The following MEAK7 variants were observed in gnomAD, a reference collection of about 807,000 sequenced individuals.
The protein encoded by MEAK7 is MTOR associated protein MEAK7, also known as MTOR-associated protein MEAK7.
MEAK7 carries 68 observed loss-of-function variants against 40.5 expected under a neutral mutation model. That is an observed-to-expected ratio of 1.68 (90% CI 1.38 to 2.06). The LOEUF (loss-of-function observed/expected upper bound fraction) is 2.06, where lower values mean the gene tolerates loss of function less well. Among genes scored for constraint, MEAK7 ranks in the 30% most tolerant of loss-of-function variants. MEAK7 has a pLI of 0.00. For missense variants in MEAK7, 918 were observed against 580.5 expected (o/e 1.58, Z -5.98); for synonymous variants, 338 against 231.9 (o/e 1.46, Z -4.16).
intron 7 of MEAK7, 39 bp from the exon 8 acceptor site, chr16:84,480,065 G>A: frequency 6.7e-7 from 1 of 1,494,876 alleles, no homozygotes; most frequent in Admixed American, 2.0e-5. Context: ...TTCCATGATG[G>A]CCCAACAAGA....
intron 1 of MEAK7, among the ~76,000 whole-genome samples, chr16:84,499,762 C>T (rs1469718199): frequency 6.6e-6 from 1 of 152,160 alleles, no homozygotes; most frequent in East Asian, 1.9e-4. Flanking sequence ...TATGGCCAGG[C>T]GTGGTGGCTC....
At position 84,495,960 on chromosome 16, in the gene MEAK7, A is replaced by T. The variant is rs774328601; in HGVS notation, c.154-47T>A. On this transcript the variant is annotated intron_variant, in intron 2 of 7. Transcript: ENST00000343629. ...ATATGGTTAGACAGTGCACAAGTTG[A>T]ACTTGGTTACTAGGAGTTATTATTT... The T allele has an allele frequency of 7.5e-6, 12 of 1,596,862 alleles. No homozygotes were observed. The East Asian group carries it at 2.7e-4, about 36-fold the overall frequency.
At chr16:84,487,122 A>G (rs1597938090) in intron 4 of MEAK7, 63 bp from the exon 5 acceptor site, 2 of 1,509,876 alleles carry the variant, frequency 1.3e-6, no homozygotes, top group East Asian at 2.3e-5. Flanking sequence ...TACTATCTAA[A>G]CCCACACTGA....
At position 84,480,696 on chromosome 16, in the gene MEAK7, G is replaced by T; in HGVS notation, c.1090C>A (p.Gln364Lys). 3.1e-6 allele frequency: 5 copies of T among 1,612,526 alleles called. No homozygotes were observed. Among genetic ancestry groups the T allele is most frequent in the Non-Finnish European group, 4.2e-6 (5 of 1,179,222 alleles). Residue 364 changes from glutamine (Q) to lysine (K), a missense_variant, in exon 7 of 8, where the codon CAG becomes AAG. Coordinates refer to ENST00000343629, the MANE Select transcript of MEAK7 (RefSeq NM_020947.4). ...TIPNGLGMGG[Q>K]HNYFGLWVDV... ...ACCCAAAGCCCAAAGTAATTGTGCT[G>T]CCCCCCCATACCCTGCAAAGGAAGC...
At chr16:84,492,569 T>TTTTTTTTATTTATTTATTTA (rs1555513770) in intron 3 of MEAK7, among the ~76,000 whole-genome samples, 8 of 146,810 alleles carry the variant, frequency 5.4e-5, no homozygotes, top group Admixed American at 3.4e-4. Flanking sequence ...AAGTGTTTTA[T>TTTTTTTTATTTATTTATTTA]TTTATTTATT....
rs185378466 is a variant in MEAK7, at chr16:84,490,321, G to T, written c.385-899C>A. On this transcript the variant is annotated intron_variant, in intron 3 of 7. Transcript: ENST00000343629. ...AAGGAAAGAGCAAGGCCACCAAAAG[G>T]AAAAAAACATTTTGACTGCCTTGAG... is the stretch of plus-strand genomic sequence containing the variant. Among the ~76,000 whole-genome samples, 361 of 150,872 alleles carry T rather than the reference G, an allele frequency of 2.4e-3. 2 individuals carry two copies. Among genetic ancestry groups the T allele is most frequent in the African/African-American group, 8.1e-3 (334 of 41,128 alleles).
intron 5 of MEAK7, 70 bp downstream of exon 5, chr16:84,486,561 C>A: frequency 6.6e-7 from 1 of 1,517,628 alleles, no homozygotes; most frequent in Non-Finnish European, 8.8e-7. Context: ...GCACCCCCAC[C>A]CTCTCCCTTT....
chr16:84,489,319 T>G lies in MEAK7; in HGVS notation c.488A>C (p.Gln163Pro). ...AGAGAGCAGCTGAGCAGCCAGCACC[T>G]GCACCCGGGGGTTGGGCCCTGGGGC... ...KEAPGPNPRV[Q>P]VLAAQLLSDM... Residue 163 changes from glutamine (Q) to proline (P), a missense_variant, in exon 4 of 8, where the codon CAG (glutamine) becomes CCG (proline). Gln to Pro is a moderately conservative substitution (Grantham distance 76). Transcript: ENST00000343629. 1 of 1,614,182 alleles carries G rather than the reference T, an allele frequency of 6.2e-7. No homozygotes were observed. The highest frequency in any genetic ancestry group is 8.5e-7 in the Non-Finnish European group (1 of 1,180,026).
In MEAK7 at chr16:84,496,046, A is replaced by T. The variant is rs544751801; in HGVS notation, c.154-133T>A. ...TTTTCGTTTTTTAAAGCATCTCTGA[A>T]AAAGTTTCTTGTAAAGCCCCGTCTC... On this transcript the variant is annotated intron_variant, in intron 2 of 7. Transcript: ENST00000343629. 31 of 896,584 alleles carry T rather than the reference A, an allele frequency of 3.5e-5. No homozygotes were observed. The African/African-American group carries it at 4.4e-4, about 13-fold the overall frequency. The allele number at this position is 896,584 out of a possible 1,614,324, so 55.5% of individuals were successfully genotyped here. A position where few individuals can be genotyped will look rare whatever the true frequency, so the allele number is the denominator to read the frequency against.
At chr16:84,489,846 G>C (rs535494442) in intron 3 of MEAK7, among the ~76,000 whole-genome samples, 2 of 152,146 alleles carry the variant, frequency 1.3e-5, no homozygotes, top group Non-Finnish European at 2.9e-5. Flanking sequence ...AAGTCTTCCT[G>C]TTTCCATAAT....
At position 84,480,657 on chromosome 16, in the gene MEAK7, C is replaced by G. The variant is rs1912453427; in HGVS notation, c.1129G>C (p.Gly377Arg). The change falls in exon 7 of 8, where the codon GGG (glycine) becomes CGG (arginine). Residue 377 changes from glycine to arginine, a missense_variant. By Grantham distance (125) the Gly-to-Arg change is moderately radical. Coordinates refer to ENST00000343629, the MANE Select transcript of MEAK7 (RefSeq NM_020947.4). ...GGCTTGGCTCTGCTGTGTCCTTTCC[C>G]AAAATCAACATCCACCCAAAGCCCA... ...YFGLWVDVDF[G>R]KGHSRAKPTC... 1 of 1,613,936 alleles carries G rather than the reference C, an allele frequency of 6.2e-7. No individual in the cohort carries two copies. The highest frequency in any genetic ancestry group is 8.5e-7 in the Non-Finnish European group (1 of 1,179,914).
rs1003292173 is a variant in MEAK7 at position 84,478,390 on chromosome 16, G to A, written c.*1523C>T. 1 of 152,214 alleles carries A rather than the reference G, an allele frequency of 6.6e-6. No homozygotes were observed. Among genetic ancestry groups the A allele is most frequent in the African/African-American group, 2.4e-5 (1 of 41,438 alleles). 9.4% of individuals were successfully genotyped at this position (152,214 alleles called of 1,614,324 possible). A position where few individuals can be genotyped will look rare whatever the true frequency, so the allele number is the denominator to read the frequency against. On this transcript the variant is annotated 3_prime_UTR_variant, in exon 8 of 8. Transcript: ENST00000343629. ...CCTGAGTCAGGGCTATTGCTAAGTG[G>A]AAGGTTTGATGAACCTCCCAGTAGA...
intron 3 of MEAK7, among the ~76,000 whole-genome samples, chr16:84,493,296 G>A (rs557132630): frequency 1.3e-5 from 2 of 152,246 alleles, no homozygotes; most frequent in African/African-American, 4.8e-5. Context: ...TCCTTTTATA[G>A]GGCAGTTTAT....
At chr16:84,482,902 T>C (rs1419162136) in intron 5 of MEAK7, among the ~76,000 whole-genome samples, 192 bp from the exon 6 acceptor site, 1 of 152,064 alleles carries the variant, frequency 6.6e-6, no homozygotes, top group Non-Finnish European at 1.5e-5. Context: ...GATGCAGGGA[T>C]TAGAGGGACA....
At chr16:84,493,548 G>C (rs1483610914) in intron 3 of MEAK7, among the ~76,000 whole-genome samples, 1 of 152,098 alleles carries the variant, frequency 6.6e-6, no homozygotes, top group East Asian at 1.9e-4. Context: ...CCAGAGTCAA[G>C]AAAACTTTCT....
In MEAK7 at chr16:84,495,747, C is replaced by G. The variant is rs779318672; in HGVS notation, c.320G>C (p.Ser107Thr). ...AGAAATCATTTTCATAATCATGAGA[C>G]TCTTCTCCTCGGAGTTTCCTTTCAA... ...HLLKGNSEEK[S>T]LMIMKMISAT... The change falls in exon 3 of 8, where the codon AGT becomes ACT. Residue 107 changes from serine (S) to threonine (T), a missense_variant. By Grantham distance (58) the Ser-to-Thr change is moderately conservative. Coordinates refer to ENST00000343629, the MANE Select transcript of MEAK7 (RefSeq NM_020947.4). 2 of 1,613,842 alleles carry G rather than the reference C, an allele frequency of 1.2e-6. No individual in the cohort carries two copies. Among genetic ancestry groups the G allele is most frequent in the Admixed American group, 1.7e-5 (1 of 59,988 alleles).
At chr16:84,494,076 T>C (rs1385554864) in intron 3 of MEAK7, among the ~76,000 whole-genome samples, 1 of 152,174 alleles carries the variant, frequency 6.6e-6, no homozygotes. Context: ...TAAATAAAAA[T>C]GTCTAATCTC....
rs867698609 is a variant in MEAK7 at position 84,482,640 on chromosome 16, G to T, written c.1029C>A (p.Asp343Glu). ...GTCCATGGTTCAAGTACATGTAGTG[G>T]TCGTTGTAGCCCGTGTGTGTGTACA... ...MAVYTHTGYN[D>E]HYMYLNHGQQ... Residue 343 changes from aspartate to glutamate, a missense_variant, in exon 6 of 8, where the codon GAC becomes GAA. Transcript: ENST00000343629. The T allele has an allele frequency of 8.7e-6, 14 of 1,614,128 alleles. No homozygotes were observed. The South Asian group carries it at 1.2e-4, about 14-fold the overall frequency.
intron 5 of MEAK7, among the ~76,000 whole-genome samples, chr16:84,484,913 G>T (rs1421560472): frequency 1.3e-5 from 2 of 152,212 alleles, no homozygotes; most frequent in African/African-American, 4.8e-5. Flanking sequence ...GCTTCAGCAA[G>T]ATTAAGTCTG....
Sources: allele counts gnomAD v4.1 joint callset (sites outside exome capture counted in the v4.1 genomes callset), GRCh38; gene constraint gnomAD v4.1.1; transcripts MANE v1.5; gene names NCBI Gene and HGNC (gene_info 2026-07-23, HGNC 2026-07-21).